RABGAP1L: variants seen among roughly 807,000 people sequenced by gnomAD.
The protein encoded by RABGAP1L is rab GTPase-activating protein 1-like.
RABGAP1L carries 63 observed loss-of-function variants against 137.7 expected under a neutral mutation model. That is an observed-to-expected ratio of 0.46 (90% CI 0.37 to 0.56). The LOEUF (loss-of-function observed/expected upper bound fraction) is 0.56, where lower values mean the gene tolerates loss of function less well. RABGAP1L is among the 20% of genes least tolerant of loss of function. The pLI is 0.00. For synonymous variants in RABGAP1L, 431 were observed against 433.7 expected (o/e 0.99, Z 0.08); for missense variants, 1,095 against 1,244.0 (o/e 0.88, Z 1.80).
chr1:174,653,510 T>C (rs1457245987), intron 14 of RABGAP1L, among the ~76,000 whole-genome samples: 1 of 152,158 alleles, frequency 6.6e-6, no homozygotes, highest in African/African-American at 2.4e-5. Flanking sequence ...TCCTCATGGC[T>C]TCCCTTGGCT....
intron 11 of RABGAP1L, among the ~76,000 whole-genome samples, chr1:174,368,966 C>A (rs970870162): frequency 6.6e-6 from 1 of 151,772 alleles, no homozygotes; most frequent in African/African-American, 2.4e-5. Flanking sequence ...CATTGTGTTC[C>A]TAGATTTTGG....
At chr1:174,241,426 A>G in intron 4 of RABGAP1L, 57 bp from the exon 5 acceptor site, 2 of 1,191,230 alleles carry the variant, frequency 1.7e-6, no homozygotes, top group East Asian at 2.6e-5. Context: ...AACTGGAAAT[A>G]TGTCTTTGTT....
intron 18 of RABGAP1L, among the ~76,000 whole-genome samples, chr1:174,807,912 C>T (rs1048699558): frequency 9.9e-5 from 15 of 150,796 alleles, no homozygotes; most frequent in South Asian, 6.3e-4. Flanking sequence ...GCCTGTGCAA[C>T]GTAGCGAGAC....
chr1:174,459,685 AT>A (rs1227022080), intron 13 of RABGAP1L, among the ~76,000 whole-genome samples: 2 of 152,056 alleles, frequency 1.3e-5, no homozygotes, highest in East Asian at 3.9e-4. Context: ...GCGACCATCC[AT>A]TTTTTTCCCC....
intron 12 of RABGAP1L, among the ~76,000 whole-genome samples, chr1:174,392,587 A>G (rs561360038): frequency 6.6e-6 from 1 of 152,352 alleles, no homozygotes; most frequent in South Asian, 2.1e-4. Context: ...TACTAAAATT[A>G]TTAATGGGAT....
At chr1:174,662,489 T>C (rs1312974411) in intron 14 of RABGAP1L, among the ~76,000 whole-genome samples, 3 of 152,080 alleles carry the variant, frequency 2.0e-5, no homozygotes, top group Admixed American at 1.3e-4. Context: ...CAATCTCGGC[T>C]CACTGCAAAA....
At chr1:174,905,858 A>G (rs1454070026) in intron 19 of RABGAP1L, among the ~76,000 whole-genome samples, 2 of 151,934 alleles carry the variant, frequency 1.3e-5, no homozygotes, top group Non-Finnish European at 2.9e-5. Context: ...CTAAAAAAAG[A>G]AAAAGAAAAA....
At chr1:174,246,663 GAT>G (rs1333824076) in intron 5 of RABGAP1L, among the ~76,000 whole-genome samples, 2 of 152,184 alleles carry the variant, frequency 1.3e-5, no homozygotes, top group Non-Finnish European at 2.9e-5. Context: ...TATATGGAAA[GAT>G]GTGTGTAGGC....
rs1672794365 is a variant in RABGAP1L at position 174,252,494 on chromosome 1, A to G, written c.890A>G (p.Asp297Gly). The G allele has an allele frequency of 2.5e-6, 4 of 1,612,604 alleles. No individual in the cohort carries two copies. The South Asian group carries it at 4.4e-5, about 18-fold the overall frequency. Residue 297 changes from aspartate (D) to glycine (G), a missense_variant, in exon 7 of 26, where the codon GAT (aspartate) becomes GGT (glycine). Coordinates refer to ENST00000681986, the MANE Select transcript of RABGAP1L (RefSeq NM_001366446.1). ...GAATATTTCAGCCCTGTGCCTAAGG[A>G]TAGAGATAAATTTTATTTCAAATTA... is the stretch of plus-strand genomic sequence containing the variant. Reference protein sequence around the residue: ...GKGNFSPVPKDRDKFYFKLKQ... With the variant: ...GKGNFSPVPKGRDKFYFKLKQ...
intron 19 of RABGAP1L, among the ~76,000 whole-genome samples, chr1:174,856,590 G>A (rs553490999): frequency 2.3e-4 from 35 of 151,942 alleles, no homozygotes; most frequent in African/African-American, 8.0e-4. Flanking sequence ...TGTTTTACTG[G>A]ACATACCTTT....
At chr1:174,554,170 T>C (rs1056089247) in intron 13 of RABGAP1L, among the ~76,000 whole-genome samples, 1 of 152,220 alleles carries the variant, frequency 6.6e-6, no homozygotes, top group Non-Finnish European at 1.5e-5. Flanking sequence ...GTTTCATTTG[T>C]CATCAGTGTT....
intron 1 of RABGAP1L, among the ~76,000 whole-genome samples, chr1:174,211,943 T>C (rs1055123052): frequency 6.6e-6 from 1 of 152,116 alleles, no homozygotes; most frequent in African/African-American, 2.4e-5. Flanking sequence ...TGATTGTACA[T>C]ATATATGCAC....
intron 17 of RABGAP1L, among the ~76,000 whole-genome samples, chr1:174,719,290 A>G (rs1423606075): frequency 6.6e-6 from 1 of 152,168 alleles, no homozygotes; most frequent in Non-Finnish European, 1.5e-5. Flanking sequence ...ATAAAATTGG[A>G]TTTTATTTGA....
At chr1:174,386,787 G>C (rs781054499) in intron 12 of RABGAP1L, among the ~76,000 whole-genome samples, 32 of 152,100 alleles carry the variant, frequency 2.1e-4, no homozygotes, top group Admixed American at 9.8e-4. Flanking sequence ...GATTACAGGT[G>C]TGAGCCACCG....
intron 13 of RABGAP1L, among the ~76,000 whole-genome samples, chr1:174,624,988 C>T (rs918466653): frequency 2.6e-5 from 4 of 151,544 alleles, no homozygotes; most frequent in South Asian, 4.2e-4. Flanking sequence ...TCTCCTGCCT[C>T]AGCCTCCCAA....
intron 21 of RABGAP1L, among the ~76,000 whole-genome samples, chr1:174,975,110 C>T (rs1205284398): frequency 2.0e-5 from 3 of 152,252 alleles, no homozygotes; most frequent in Non-Finnish European, 4.4e-5. Context: ...TCTTCATTCA[C>T]CAAGTACTTA....
intron 10 of RABGAP1L, among the ~76,000 whole-genome samples, chr1:174,280,876 GT>G (rs1675466246): frequency 6.6e-6 from 1 of 152,310 alleles, no homozygotes; most frequent in South Asian, 2.1e-4. Context: ...TAAAGATGGT[GT>G]GTCCAGAGTT....
chr1:174,877,040 A>G (rs1043155938), intron 19 of RABGAP1L, among the ~76,000 whole-genome samples: 2 of 152,210 alleles, frequency 1.3e-5, no homozygotes, highest in African/African-American at 4.8e-5. Context: ...TCCAAGAACA[A>G]TCTTCATGTA....
chr1:174,356,728 C>T (rs1461161096), intron 11 of RABGAP1L, among the ~76,000 whole-genome samples: 1 of 151,960 alleles, frequency 6.6e-6, no homozygotes, highest in African/African-American at 2.4e-5. Flanking sequence ...CTGATCTCTG[C>T]ATGTTAAAAA....
Sources: gnomAD v4.1 joint callset for allele counts (sites outside exome capture counted in the v4.1 genomes callset) on GRCh38, gnomAD v4.1.1 for gene constraint, MANE v1.5 for transcripts, NCBI Gene and HGNC (gene_info 2026-07-23, HGNC 2026-07-21) for gene names.